The following UNC5C variants were observed in gnomAD, a reference collection of about 807,000 sequenced individuals.
UNC5C encodes unc-5 netrin receptor C, also known as netrin receptor UNC5C.
In UNC5C, 47 loss-of-function variants were observed where a neutral mutation model predicts 99.8. The observed-to-expected ratio is 0.47, with a 90% CI of 0.37 to 0.60. The LOEUF is 0.60. Ranked by LOEUF, UNC5C falls within the 20% of genes least tolerant of loss-of-function variation. UNC5C has a pLI of 0.00. For synonymous variants in UNC5C, 487 were observed against 452.2 expected (o/e 1.08, Z -0.98); for missense variants, 1,062 against 1,165.9 (o/e 0.91, Z 1.30).
At chr4:95,319,387 ATTTTTATAATCAGG>A (rs1742594481) in intron 2 of UNC5C, among the ~76,000 whole-genome samples, 1 of 152,080 alleles carries the variant, frequency 6.6e-6, no homozygotes, top group Admixed American at 6.5e-5. Flanking sequence ...CCAGAACACA[ATTTTTATAATCAGG>A]TTAAGCCTTT....
chr4:95,393,829 G>A (rs1362998960), intron 1 of UNC5C, among the ~76,000 whole-genome samples: 7 of 147,972 alleles, frequency 4.7e-5, no homozygotes, highest in South Asian at 2.1e-4. Flanking sequence ...AATCCAAATA[G>A]TAATTCTTAT....
chr4:95,357,125 C>T (rs1257567246), intron 1 of UNC5C, among the ~76,000 whole-genome samples: 1 of 116,920 alleles, frequency 8.6e-6, no homozygotes, highest in African/African-American at 4.2e-5. Context: ...TTCTTGTTTT[C>T]CTTTTTTTTG....
In UNC5C at chr4:95,202,819, T is replaced by C; in HGVS notation, c.2048A>G (p.Lys683Arg). 5 of 1,614,222 alleles carry C rather than the reference T, an allele frequency of 3.1e-6. No individual in the cohort carries two copies. Among genetic ancestry groups the C allele is most frequent in the Non-Finnish European group, 3.4e-6 (4 of 1,180,044 alleles). The change falls in exon 12 of 16, where the codon AAG becomes AGG. Residue 683 changes from lysine to arginine, a missense_variant. Around this residue, in one of 3 missense-constraint regions of UNC5C, gnomAD observed 810 missense variants for 854.5 expected, o/e 0.95. Coordinates refer to ENST00000453304, the MANE Select transcript of UNC5C (RefSeq NM_003728.4). The stretch of plus-strand genomic sequence containing the variant: ...GCACAGGGGCCCAAAGATGGCCAGC[T>C]TGAGGCGCTTCGCAGCCGCTTTGGT... ...STTKAAAKRL[K>R]LAIFGPLCCS...
At position 95,540,939 on chromosome 4, in the gene UNC5C, A is replaced by G. The variant is rs573962837; in HGVS notation, c.124+7795T>C. Among the ~76,000 whole-genome samples, 11 of 152,320 alleles carry G rather than the reference A, an allele frequency of 7.2e-5. No homozygotes were observed. In the South Asian group the frequency reaches 2.1e-3, roughly 29 times the overall value. ...ATCATTTTTAGTTTCTATAAAAGTT[A>G]TGGAATACCACTGGCTAAAATATAA... On this transcript the variant is annotated intron_variant, in intron 1 of 15. Transcript: ENST00000453304.
intron 4 of UNC5C, among the ~76,000 whole-genome samples, chr4:95,253,905 G>A (rs963423694): frequency 2.0e-5 from 3 of 152,160 alleles, no homozygotes; most frequent in Non-Finnish European, 2.9e-5. Flanking sequence ...CTGGAAGACA[G>A]CATGAAAATC....
At chr4:95,238,559 C>A (rs1311674974) in intron 7 of UNC5C, among the ~76,000 whole-genome samples, 1 of 152,044 alleles carries the variant, frequency 6.6e-6, no homozygotes, top group Non-Finnish European at 1.5e-5. Flanking sequence ...TTTTAAGGAA[C>A]CAATTGTTGT....
At position 95,235,452 on chromosome 4, in the gene UNC5C, T is replaced by C. The variant is rs1235988791; in HGVS notation, c.1108+6977A>G. ...GTAGGTTACCTGTTCACTCTGATGG[T>C]AGTTTCTTTTGCTGTGCAGAAGCTC... On this transcript the variant is annotated intron_variant, in intron 7 of 15. Coordinates refer to ENST00000453304, the MANE Select transcript of UNC5C (RefSeq NM_003728.4). 3.3e-5 allele frequency among the ~76,000 whole-genome samples: 5 copies of C among 152,172 alleles called. No individual in the cohort carries two copies. The East Asian group carries it at 9.6e-4, about 29-fold the overall frequency.
In UNC5C at chr4:95,190,404, G is replaced by A. The variant is rs1382856596; in HGVS notation, c.2137-5208C>T. Among the ~76,000 whole-genome samples, 6 of 152,114 alleles carry A rather than the reference G, an allele frequency of 3.9e-5. No individual in the cohort carries two copies. The East Asian group carries it at 9.6e-4, about 24-fold the overall frequency. On this transcript the variant is annotated intron_variant, in intron 12 of 15. Coordinates refer to ENST00000453304, the MANE Select transcript of UNC5C (RefSeq NM_003728.4). ...TACCTAATGTAAATGAGGAGTTAAT[G>A]GGTGCAGCACACCAACATGGCACAT... is the stretch of plus-strand genomic sequence containing the variant.
At chr4:95,201,705 G>A (rs1165630475) in intron 12 of UNC5C, among the ~76,000 whole-genome samples, 2 of 151,564 alleles carry the variant, frequency 1.3e-5, no homozygotes, top group Non-Finnish European at 2.9e-5. Flanking sequence ...CCCAGTTCAC[G>A]CCATTCTCCT....
chr4:95,512,565 G>C (rs1165699566), intron 1 of UNC5C, among the ~76,000 whole-genome samples: 1 of 152,118 alleles, frequency 6.6e-6, no homozygotes, highest in African/African-American at 2.4e-5. Flanking sequence ...AGTTACCCCA[G>C]GGAGGAGAGT....
chr4:95,422,548 G>C (rs1260911764), intron 1 of UNC5C, among the ~76,000 whole-genome samples: 1 of 136,302 alleles, frequency 7.3e-6, no homozygotes, highest in East Asian at 2.2e-4. Flanking sequence ...TTTGCAACCG[G>C]GGGCTGTATT....
chr4:95,256,703 T>A (rs879624885), intron 4 of UNC5C, among the ~76,000 whole-genome samples: 33 of 140,738 alleles, frequency 2.3e-4, no homozygotes, highest in Non-Finnish European at 3.9e-4. Context: ...TAAATAAATA[T>A]ATATATATAT....
chr4:95,536,082 A>ATATT lies in UNC5C; in HGVS notation c.124+12651_124+12652insAATA, dbSNP rs1180330785. On this transcript the variant is annotated intron_variant, in intron 1 of 15. Transcript: ENST00000453304. ...CATACATATATATATATATATATAT[A>ATATT]TTTTTTTTTTTTGAGATGGAGTCTC... Among the ~76,000 whole-genome samples, 109 of 78,450 alleles carry ATATT rather than the reference A, an allele frequency of 1.4e-3. 1 individual carries two copies. The highest frequency in any genetic ancestry group is 3.7e-3 in the African/African-American group (93 of 24,820). 51.5% of individuals were successfully genotyped at this position (78,450 alleles called of 152,430 possible). A position where few individuals can be genotyped will look rare whatever the true frequency, so the allele number is the denominator to read the frequency against.
In UNC5C at chr4:95,202,837, G is replaced by A. The variant is rs754442498; in HGVS notation, c.2030C>T (p.Ala677Val). Residue 677 changes from alanine (A) to valine (V), a missense_variant, in exon 12 of 16, where the codon GCG becomes GTG. By Grantham distance (64) the Ala-to-Val change is moderately conservative. This residue lies in a region of UNC5C where 810 missense variants were observed against 854.5 expected (regional missense o/e 0.95). Transcript: ENST00000453304. ...GGCCAGCTTGAGGCGCTTCGCAGCC[G>A]CTTTGGTGGTGGAATGTCCTACCAG... ...YALVGHSTTK[A>V]AAKRLKLAIF... 3.1e-6 allele frequency: 5 copies of A among 1,614,116 alleles called. No individual in the cohort carries two copies. Among genetic ancestry groups the A allele is most frequent in the East Asian group, 2.2e-5 (1 of 44,886 alleles).
intron 1 of UNC5C, among the ~76,000 whole-genome samples, chr4:95,440,954 G>A (rs1032266527): frequency 1.3e-5 from 2 of 152,050 alleles, no homozygotes; most frequent in African/African-American, 4.8e-5. Context: ...ATATAGAGTC[G>A]CTCATTTGAA....
At chr4:95,317,768 T>G (rs889997638) in intron 2 of UNC5C, among the ~76,000 whole-genome samples, 67 of 152,122 alleles carry the variant, frequency 4.4e-4, no homozygotes, top group African/African-American at 1.6e-3. Context: ...CATTTATAGT[T>G]ACCTTAGAAA....
At chr4:95,396,366 T>C (rs1745509840) in intron 1 of UNC5C, among the ~76,000 whole-genome samples, 1 of 152,220 alleles carries the variant, frequency 6.6e-6, no homozygotes, top group Admixed American at 6.5e-5. Flanking sequence ...GTCTGTGAGA[T>C]AAGAAGAGGA....
chr4:95,169,159 T>C lies in UNC5C; in HGVS notation c.*75A>G, dbSNP rs1735980852. ...CATTGGTCTCATCTGGATTTCCTCC[T>C]CAGCTGTGATTCACCTGGACGGCCA... On this transcript the variant is annotated 3_prime_UTR_variant, in exon 16 of 16. Coordinates refer to ENST00000453304, the MANE Select transcript of UNC5C (RefSeq NM_003728.4). 6.3e-7 allele frequency: 1 copy of C among 1,577,204 alleles called. No homozygotes were observed. The highest frequency in any genetic ancestry group is 1.2e-5 in the South Asian group (1 of 85,242).
At chr4:95,332,915 T>C (rs1001774842) in intron 2 of UNC5C, among the ~76,000 whole-genome samples, 5 of 152,024 alleles carry the variant, frequency 3.3e-5, no homozygotes, top group African/African-American at 1.2e-4. Context: ...GCAAAGGACA[T>C]GAACAGACAC....
Sources: allele counts gnomAD v4.1 joint callset (sites outside exome capture counted in the v4.1 genomes callset), GRCh38; gene constraint gnomAD v4.1.1; regional missense constraint gnomAD v4.1.1; transcripts MANE v1.5; gene names NCBI Gene and HGNC (gene_info 2026-07-23, HGNC 2026-07-21).